The following TSGA10 variants were observed in gnomAD, a reference collection of about 807,000 sequenced individuals.
TSGA10 encodes the protein testis-specific gene 10 protein.
A neutral mutation model predicts 96.6 loss-of-function variants in TSGA10; 43 were observed. The observed-to-expected ratio is 0.44, with a 90% CI of 0.35 to 0.57. The LOEUF (loss-of-function observed/expected upper bound fraction) is 0.57, where lower values mean the gene tolerates loss of function less well. Ranked by LOEUF, TSGA10 falls within the 20% of genes least tolerant of loss-of-function variation. The pLI, the probability that TSGA10 is intolerant of heterozygous loss-of-function variation, is 0.01. For synonymous variants in TSGA10, 229 were observed against 269.9 expected (o/e 0.85, Z 1.48); for missense variants, 703 against 834.4 (o/e 0.84, Z 1.94).
chr2:98,998,371 C>A lies in TSGA10; in HGVS notation c.2073-150G>T. 4 of 653,846 alleles carry A rather than the reference C, an allele frequency of 6.1e-6. No homozygotes were observed. The Admixed American group carries it at 9.6e-5, about 16-fold the overall frequency. The allele number at this position is 653,846 out of a possible 1,614,324, so 40.5% of individuals were successfully genotyped here. A position where few individuals can be genotyped will look rare whatever the true frequency, so the allele number is the denominator to read the frequency against. On this transcript the variant is annotated intron_variant, in intron 20 of 20. Coordinates refer to ENST00000393483, the MANE Select transcript of TSGA10 (RefSeq NM_025244.4). ...GAAAACAAAAAACAATATATTTTTTCACTCAGTTTTCACAAACTGGTACAT... is the reference window on the plus strand; with the variant it reads ...GAAAACAAAAAACAATATATTTTTTAACTCAGTTTTCACAAACTGGTACAT...
intron 16 of TSGA10, among the ~76,000 whole-genome samples, chr2:99,050,834 T>C (rs1256708622): frequency 2.0e-5 from 3 of 152,158 alleles, no homozygotes; most frequent in Admixed American, 6.5e-5. Context: ...AATAATGTTT[T>C]GGTCAATGAT....
chr2:99,120,804 TACA>T (rs1261118774), intron 2 of TSGA10, among the ~76,000 whole-genome samples: 3 of 152,156 alleles, frequency 2.0e-5, no homozygotes, highest in Non-Finnish European at 4.4e-5. Flanking sequence ...ACTGTTCCAT[TACA>T]ACGAGACCAT....
chr2:99,153,786 G>A (rs976133791), intron 1 of TSGA10, among the ~76,000 whole-genome samples: 11 of 152,142 alleles, frequency 7.2e-5, no homozygotes, highest in African/African-American at 2.7e-4. Flanking sequence ...AAGAAAGGAG[G>A]TGTCATTATG....
At position 99,102,168 on chromosome 2, in the gene TSGA10, C is replaced by T. The variant is rs1005917103; in HGVS notation, c.611+1799G>A. On this transcript the variant is annotated intron_variant, in intron 10 of 20. Coordinates refer to ENST00000393483, the MANE Select transcript of TSGA10 (RefSeq NM_025244.4). Reference sequence around the variant, plus strand: ...GGAGCTGATGAATATACTTGAACTTCGGAAATATGAAGCTATTCAGTTAAC... The same window carrying T: ...GGAGCTGATGAATATACTTGAACTTTGGAAATATGAAGCTATTCAGTTAAC... The T allele has an allele frequency of 3.8e-5, 58 of 1,539,322 alleles. No homozygotes were observed. The Middle Eastern group carries it at 1.7e-3, about 45-fold the overall frequency.
intron 16 of TSGA10, among the ~76,000 whole-genome samples, chr2:99,041,501 A>G (rs539047857): frequency 8.9e-4 from 135 of 152,360 alleles, no homozygotes; most frequent in Non-Finnish European, 1.6e-3. Context: ...CCAATGGAAC[A>G]GAATAGAGAA....
At chr2:99,026,577 G>A (rs987503614) in intron 17 of TSGA10, among the ~76,000 whole-genome samples, 1 of 151,842 alleles carries the variant, frequency 6.6e-6, no homozygotes, top group Non-Finnish European at 1.5e-5. Flanking sequence ...CTGCCACCAC[G>A]CCTGGCTAAT....
At chr2:99,086,633 T>C (rs1018758768) in intron 10 of TSGA10, among the ~76,000 whole-genome samples, 2 of 152,180 alleles carry the variant, frequency 1.3e-5, no homozygotes, top group Non-Finnish European at 2.9e-5. Context: ...TTGCTGACGT[T>C]ACAAAGATGA....
intron 10 of TSGA10, among the ~76,000 whole-genome samples, chr2:99,094,336 G>A (rs765228291): frequency 2.6e-5 from 4 of 152,134 alleles, no homozygotes; most frequent in African/African-American, 4.8e-5. Context: ...TCTAGACATT[G>A]GCTTAGGCAG....
At chr2:99,111,019 G>T in intron 4 of TSGA10, 104 bp from the exon 5 acceptor site, 1 of 199,624 alleles carries the variant, frequency 5.0e-6, no homozygotes, top group Non-Finnish European at 9.0e-6. Context: ...ATAAAAACAT[G>T]AAGGCAGTGA....
chr2:99,112,201 T>C (rs1395155522), intron 4 of TSGA10, among the ~76,000 whole-genome samples: 1 of 152,178 alleles, frequency 6.6e-6, no homozygotes, highest in Non-Finnish European at 1.5e-5. Context: ...TTGTGTTATG[T>C]GCTGGGTAAA....
At chr2:99,071,609 G>A in intron 14 of TSGA10, 97 bp downstream of exon 14, 5 of 1,162,292 alleles carry the variant, frequency 4.3e-6, no homozygotes, top group Non-Finnish European at 6.1e-6. Flanking sequence ...GCTAGTTCCA[G>A]TGTCTGAGCT....
intron 16 of TSGA10, among the ~76,000 whole-genome samples, chr2:99,051,446 G>A (rs546810645): frequency 2.5e-4 from 38 of 152,066 alleles, no homozygotes; most frequent in Non-Finnish European, 2.5e-4. Flanking sequence ...AAGAATATAC[G>A]TATATATGAA....
At chr2:99,072,437 A>C (rs561312648) in intron 13 of TSGA10, among the ~76,000 whole-genome samples, 1 of 152,304 alleles carries the variant, frequency 6.6e-6, no homozygotes, top group Admixed American at 6.5e-5. Flanking sequence ...TTCAGAGGTA[A>C]AATCATTTTT....
At chr2:99,020,713 GCTTA>G (rs1327571416) in intron 17 of TSGA10, among the ~76,000 whole-genome samples, 1 of 151,876 alleles carries the variant, frequency 6.6e-6, no homozygotes, top group African/African-American at 2.4e-5. Flanking sequence ...TTAAGAAAAG[GCTTA>G]TTAATTTCAA....
At chr2:99,108,742 G>T in intron 7 of TSGA10, 91 bp downstream of exon 7, 1 of 893,812 alleles carries the variant, frequency 1.1e-6, no homozygotes. Flanking sequence ...TTGATTTGCA[G>T]GTTTAAGCAG....
intron 16 of TSGA10, among the ~76,000 whole-genome samples, chr2:99,036,279 T>C (rs2081618108): frequency 6.6e-6 from 1 of 152,092 alleles, no homozygotes; most frequent in Admixed American, 6.6e-5. Flanking sequence ...TCTCTATCTC[T>C]TCCCTTCCTT....
In TSGA10 at chr2:99,105,629, C is replaced by T. The variant is rs765452222; in HGVS notation, c.279G>A (p.Thr93=). The part of the protein sequence containing the change: ...MKSCKSPKST[T]AHAILRRVET... Reference sequence around the variant, plus strand: ...CCACTCGCCGGAGAATAGCATGTGCCGTTGTTGATTTAGGACTCTTACAGC... The same window carrying T: ...CCACTCGCCGGAGAATAGCATGTGCTGTTGTTGATTTAGGACTCTTACAGC... Residue 93 remains threonine, a synonymous_variant, in exon 8 of 21, where the codon ACG becomes ACA. Coordinates refer to ENST00000393483, the MANE Select transcript of TSGA10 (RefSeq NM_025244.4). 2.6e-5 allele frequency: 41 copies of T among 1,607,400 alleles called. No individual in the cohort carries two copies. In the Admixed American group the frequency reaches 3.8e-4, roughly 15 times the overall value.
At chr2:99,129,560 G>A (rs1225581409) in intron 1 of TSGA10, among the ~76,000 whole-genome samples, 1 of 152,068 alleles carries the variant, frequency 6.6e-6, no homozygotes, top group Non-Finnish European at 1.5e-5. Flanking sequence ...CCCTCCACCA[G>A]CTTTGGGGGC....
At chr2:99,081,756 C>T (rs2087540515) in intron 10 of TSGA10, among the ~76,000 whole-genome samples, 1 of 152,034 alleles carries the variant, frequency 6.6e-6, no homozygotes, top group African/African-American at 2.4e-5. Flanking sequence ...AAGATGAGGC[C>T]ATAGAGATGT....
Sources: gnomAD v4.1 joint callset for allele counts (sites outside exome capture counted in the v4.1 genomes callset) on GRCh38, gnomAD v4.1.1 for gene constraint, MANE v1.5 for transcripts, NCBI Gene and HGNC (gene_info 2026-07-23, HGNC 2026-07-21) for gene names.